Variants in TLN2 observed in about 807,000 individuals in gnomAD.
TLN2 encodes the protein talin 2, also known as talin-2.
A neutral mutation model predicts 294.7 loss-of-function variants in TLN2; 118 were observed. The ratio of observed to expected loss-of-function variants is 0.40; its 90% CI spans 0.34 to 0.47. The LOEUF is 0.47. Among genes scored for constraint, TLN2 ranks in the 20% least tolerant of loss-of-function variants. The probability of loss-of-function intolerance (pLI) is 0.84; values close to 1 mark genes in which losing one functional copy is unlikely to be tolerated. For missense variants in TLN2, 3,083 were observed against 3,282.2 expected (o/e 0.94, Z 1.48); for synonymous variants, 1,431 against 1,304.5 (o/e 1.10, Z -2.09).
rs2052420170 is a variant in TLN2, at chr15:62,650,167, A to C, written c.220A>C (p.Met74Leu). 1 of 1,613,954 alleles carries C rather than the reference A, an allele frequency of 6.2e-7. No individual in the cohort carries two copies. Among genetic ancestry groups the C allele is most frequent in the African/African-American group, 1.3e-5 (1 of 74,900 alleles). Reference sequence around the variant, plus strand: ...AGCGGGCAGAACACTGGATTACTACATGTTGCGGAATGGGGTATGCTGCCA... The same window carrying C: ...AGCGGGCAGAACACTGGATTACTACCTGTTGCGGAATGGGGTATGCTGCCA... Reference protein sequence around the residue: ...LEAGRTLDYYMLRNGDILEYK... With the variant: ...LEAGRTLDYYLLRNGDILEYK... The change falls in exon 5 of 59, where the codon ATG becomes CTG. Residue 74 changes from methionine to leucine, a missense_variant. Physicochemically the swap from Met to Leu is conservative, Grantham distance 15. Coordinates refer to ENST00000636159, the MANE Select transcript of TLN2 (RefSeq NM_015059.3).
At chr15:62,453,866 C>T (rs1373645281) in intron 1 of TLN2, 1 of 152,568 alleles carries the variant, frequency 6.6e-6, no homozygotes, top group Non-Finnish European at 1.5e-5. Context: ...TTTTGGAGGA[C>T]ATAAAATGAT....
intron 21 of TLN2, 25 bp from the exon 22 acceptor site, chr15:62,711,886 C>A: frequency 6.3e-7 from 1 of 1,587,346 alleles, no homozygotes; most frequent in South Asian, 1.1e-5. Flanking sequence ...GACAAACAGA[C>A]CTCATCCTCT....
chr15:62,543,243 G>A (rs2041801213), intron 1 of TLN2, among the ~76,000 whole-genome samples: 1 of 152,178 alleles, frequency 6.6e-6, no homozygotes, highest in African/African-American at 2.4e-5. Flanking sequence ...CCTAGTGGTT[G>A]CCCACATCAT....
At chr15:62,515,162 G>A (rs1408381929) in intron 1 of TLN2, among the ~76,000 whole-genome samples, 1 of 152,084 alleles carries the variant, frequency 6.6e-6, no homozygotes, top group African/African-American at 2.4e-5. Context: ...TTAAATCTGT[G>A]TGGTAGATGG....
At chr15:62,818,387 T>C (rs752616477) in intron 52 of TLN2, among the ~76,000 whole-genome samples, 5 of 152,154 alleles carry the variant, frequency 3.3e-5, no homozygotes, top group African/African-American at 7.2e-5. Context: ...GGAAGAAGAA[T>C]TTCAACATGA....
intron 3 of TLN2, among the ~76,000 whole-genome samples, chr15:62,622,080 C>CT (rs1163345841): frequency 6.6e-6 from 1 of 151,372 alleles, no homozygotes; most frequent in Non-Finnish European, 1.5e-5. Flanking sequence ...AAGGACTAAG[C>CT]TGGGGGGTGG....
chr15:62,725,812 C>T (rs756158329), intron 27 of TLN2, among the ~76,000 whole-genome samples: 5 of 152,110 alleles, frequency 3.3e-5, no homozygotes, highest in Admixed American at 6.5e-5. Context: ...AGCCAAACCA[C>T]GGTTTGAATT....
rs182067971 is a variant in TLN2 at position 62,448,726 on chromosome 15, C to T, written c.-238+58041C>T. On this transcript the variant is annotated intron_variant, in intron 1 of 58. Transcript: ENST00000636159. ...TTTGGTTGTTAGGAATAGTAATTCA[C>T]AGAGCGGTCTCTAGATTCACTATGT... Among the ~76,000 whole-genome samples the T allele has an allele frequency of 2.5e-3, 386 of 152,344 alleles. 2 individuals carry two copies. The highest frequency in any genetic ancestry group is 5.6e-3 in the South Asian group (27 of 4,826).
Position 62,595,192 on chromosome 15 carries a change from T to C in TLN2, c.-162+5430T>C, listed in dbSNP as rs2046386906. 2.0e-5 allele frequency among the ~76,000 whole-genome samples: 3 copies of C among 151,918 alleles called. No homozygotes were observed. In the South Asian group the frequency reaches 6.2e-4, roughly 32 times the overall value. ...ATCCCAGCACTTTGGGAGGCTGAGG[T>C]GGGGGATCACTTGAGGTCAGGAATT... On this transcript the variant is annotated intron_variant, in intron 2 of 58. Coordinates refer to ENST00000636159, the MANE Select transcript of TLN2 (RefSeq NM_015059.3).
chr15:62,577,271 C>A lies in TLN2; in HGVS notation c.-237-12416C>A, dbSNP rs897277903. Among the ~76,000 whole-genome samples, 4 of 152,134 alleles carry A rather than the reference C, an allele frequency of 2.6e-5. No homozygotes were observed. The South Asian group carries it at 8.3e-4, about 32-fold the overall frequency. ...CCAGCCTGACCAACATGGAGAAACC[C>A]CATCTCTACTAAAAATACAAAATTA... On this transcript the variant is annotated intron_variant, in intron 1 of 58. Transcript: ENST00000636159.
At position 62,761,616 on chromosome 15, in the gene TLN2, T is replaced by A. The variant is rs146264970; in HGVS notation, c.4639-65T>A. The A allele has an allele frequency of 1.9e-6, 3 of 1,605,266 alleles. No individual in the cohort carries two copies. In the Admixed American group the frequency reaches 5.0e-5, roughly 27 times the overall value. The stretch of plus-strand genomic sequence containing the variant: ...CCACCTTCTTTCACTAAGAGGTGAT[T>A]ACTGTGGTTCAGAAATAATTTGTGC... On this transcript the variant is annotated intron_variant, in intron 37 of 58. Transcript: ENST00000636159.
intron 25 of TLN2, among the ~76,000 whole-genome samples, chr15:62,720,983 G>A (rs1273057590): frequency 1.3e-5 from 2 of 152,168 alleles, no homozygotes; most frequent in Admixed American, 1.3e-4. Flanking sequence ...CATTTGGGAG[G>A]GGAGAGAGCC....
intron 1 of TLN2, among the ~76,000 whole-genome samples, chr15:62,436,704 T>C (rs893908808): frequency 2.6e-5 from 4 of 152,190 alleles, no homozygotes; most frequent in Non-Finnish European, 4.4e-5. Flanking sequence ...ATTTGCTCCA[T>C]GATTCTTTGA....
At chr15:62,820,357 G>A in intron 53 of TLN2, 129 bp from the exon 54 acceptor site, 2 of 896,468 alleles carry the variant, frequency 2.2e-6, no homozygotes, top group South Asian at 3.6e-5. Flanking sequence ...CGGAAGGAAG[G>A]TTCCTTAGGA....
At chr15:62,726,632 C>G (rs1200696409) in intron 27 of TLN2, among the ~76,000 whole-genome samples, 3 of 152,174 alleles carry the variant, frequency 2.0e-5, no homozygotes, top group Non-Finnish European at 4.4e-5. Context: ...GTCCCACATG[C>G]CAGGAAGGTG....
chr15:62,667,122 C>T (rs972901290), intron 9 of TLN2, among the ~76,000 whole-genome samples: 11 of 152,238 alleles, frequency 7.2e-5, no homozygotes, highest in South Asian at 2.1e-4. Flanking sequence ...CCCACCACCA[C>T]GCCCGGCTAA....
At chr15:62,807,574 G>C (rs1167803940) in intron 51 of TLN2, among the ~76,000 whole-genome samples, 1 of 152,176 alleles carries the variant, frequency 6.6e-6, no homozygotes, top group Non-Finnish European at 1.5e-5. Context: ...AAACTGAACA[G>C]AAGAGAAACC....
Position 62,650,138 on chromosome 15 carries a change from T to A in TLN2, c.191T>A (p.Leu64Gln), listed in dbSNP as rs1252022074. 1.2e-6 allele frequency: 2 copies of A among 1,614,208 alleles called. No homozygotes were observed. Among genetic ancestry groups the A allele is most frequent in the Non-Finnish European group, 1.7e-6 (2 of 1,180,022 alleles). Residue 64 changes from leucine to glutamine, a missense_variant, in exon 5 of 59, where the codon CTG (leucine) becomes CAG (glutamine). Physicochemically the swap from Leu to Gln is moderately radical, Grantham distance 113. Coordinates refer to ENST00000636159, the MANE Select transcript of TLN2 (RefSeq NM_015059.3). ...SDEDPRKGIW[L>Q]EAGRTLDYYM... is the part of the protein sequence containing the mutation. The stretch of plus-strand genomic sequence containing the variant: ...GAAGACCCGAGGAAAGGGATTTGGC[T>A]GGAAGCGGGCAGAACACTGGATTAC...
intron 28 of TLN2, among the ~76,000 whole-genome samples, chr15:62,728,662 C>T (rs1293679767): frequency 3.3e-5 from 5 of 152,136 alleles, no homozygotes; most frequent in Admixed American, 1.3e-4. Flanking sequence ...ACAGTGCCAT[C>T]GAGGATCTTT....
Sources: gnomAD v4.1 joint callset for allele counts (sites outside exome capture counted in the v4.1 genomes callset) on GRCh38, gnomAD v4.1.1 for gene constraint, MANE v1.5 for transcripts, NCBI Gene and HGNC (gene_info 2026-07-23, HGNC 2026-07-21) for gene names.